CRIM1: variants seen among roughly 807,000 people sequenced by gnomAD.
CRIM1 encodes cysteine rich transmembrane BMP regulator 1, also known as cysteine-rich motor neuron 1 protein.
In CRIM1, 32 loss-of-function variants were observed where a neutral mutation model predicts 116.4. The observed-to-expected ratio is 0.27, with a 90% CI of 0.21 to 0.37. The LOEUF is 0.37. CRIM1 is among the 10% of genes least tolerant of loss of function. The probability of loss-of-function intolerance (pLI) is 1.00; values close to 1 mark genes in which losing one functional copy is unlikely to be tolerated. For synonymous variants in CRIM1, 590 were observed against 509.2 expected (o/e 1.16, Z -2.13); for missense variants, 1,331 against 1,354.8 (o/e 0.98, Z 0.28).
chr2:36,390,593 G>A (rs1671500902), intron 1 of CRIM1, among the ~76,000 whole-genome samples: 1 of 151,934 alleles, frequency 6.6e-6, no homozygotes, highest in Non-Finnish European at 1.5e-5. Flanking sequence ...TTGTTTGTTT[G>A]TTTTGTTTTG....
At chr2:36,502,031 T>A (rs72866857) in intron 8 of CRIM1, among the ~76,000 whole-genome samples, 196 of 152,360 alleles carry the variant, frequency 1.3e-3, no homozygotes, top group African/African-American at 4.5e-3. Context: ...TACATCTTTC[T>A]TAACATGGGA....
intron 4 of CRIM1, among the ~76,000 whole-genome samples, chr2:36,456,252 T>C (rs1677121851): frequency 6.6e-6 from 1 of 152,190 alleles, no homozygotes; most frequent in Non-Finnish European, 1.5e-5. Flanking sequence ...GCCAGAACCC[T>C]GTGTATCCCC....
At chr2:36,509,799 C>T (rs1325138363) in intron 8 of CRIM1, among the ~76,000 whole-genome samples, 184 bp from the exon 9 acceptor site, 2 of 152,128 alleles carry the variant, frequency 1.3e-5, no homozygotes, top group Non-Finnish European at 1.5e-5. Context: ...ATTACCAAAA[C>T]ATGGAGTCAT....
chr2:36,433,568 C>T (rs1455900962), intron 2 of CRIM1, among the ~76,000 whole-genome samples: 1 of 152,084 alleles, frequency 6.6e-6, no homozygotes, highest in Non-Finnish European at 1.5e-5. Flanking sequence ...TTCTCAGGCC[C>T]AATTGCACAA....
intron 8 of CRIM1, 22 bp from the exon 9 acceptor site, chr2:36,509,961 T>C (rs2125106210): frequency 1.9e-6 from 3 of 1,608,874 alleles, no homozygotes; most frequent in Middle Eastern, 1.7e-4. Flanking sequence ...GGAAGAAACA[T>C]GCCGTCTCTG....
chr2:36,380,461 T>C (rs536247680), intron 1 of CRIM1, among the ~76,000 whole-genome samples: 1 of 152,296 alleles, frequency 6.6e-6, no homozygotes, highest in East Asian at 1.9e-4. Context: ...ATGCACATCC[T>C]GGAGCTTAAT....
At chr2:36,485,194 A>G (rs1679726034) in intron 7 of CRIM1, among the ~76,000 whole-genome samples, 1 of 152,204 alleles carries the variant, frequency 6.6e-6, no homozygotes, top group South Asian at 2.1e-4. Context: ...TTCTGGGTTT[A>G]GGATGGAATG....
Position 36,390,818 on chromosome 2 carries a change from A to G in CRIM1, c.332-5796A>G, listed in dbSNP as rs75668926. The stretch of plus-strand genomic sequence containing the variant: ...TTGCTCCTGATACTTATTTTTATTT[A>G]TTTATTTTTTTGACAGAGTCTTGCT... On this transcript the variant is annotated intron_variant, in intron 1 of 16. Coordinates refer to ENST00000280527, the MANE Select transcript of CRIM1 (RefSeq NM_016441.3). Among the ~76,000 whole-genome samples the G allele has an allele frequency of 6.5e-3, 990 of 151,924 alleles. 11 individuals are homozygous for G. The highest frequency in any genetic ancestry group is 0.041 in the Middle Eastern group (12 of 294).
intron 8 of CRIM1, among the ~76,000 whole-genome samples, chr2:36,504,883 A>G (rs1279819897): frequency 1.3e-5 from 2 of 152,220 alleles, no homozygotes; most frequent in Non-Finnish European, 2.9e-5. Context: ...AGTGGATTTG[A>G]TCAGATTATT....
chr2:36,393,339 T>C (rs1572630989), intron 1 of CRIM1, among the ~76,000 whole-genome samples: 1 of 152,152 alleles, frequency 6.6e-6, no homozygotes, highest in African/African-American at 2.4e-5. Flanking sequence ...TTCTTTATAT[T>C]ATCTTGAAAC....
intron 7 of CRIM1, among the ~76,000 whole-genome samples, chr2:36,483,002 A>C (rs1021134516): frequency 6.6e-6 from 1 of 152,182 alleles, no homozygotes; most frequent in Admixed American, 6.5e-5. Flanking sequence ...AGCTAACTTG[A>C]TTCACAAGTA....
At chr2:36,448,754 A>G (rs2030644) in intron 4 of CRIM1, among the ~76,000 whole-genome samples, 1,701 of 152,312 alleles carry the variant, frequency 0.011, 52 homozygotes, top group East Asian at 0.092. Flanking sequence ...CGTTCTTAAA[A>G]GTTATTGAGA....
intron 1 of CRIM1, chr2:36,378,915 T>C (rs919325894): frequency 4.6e-5 from 7 of 151,816 alleles, no homozygotes; most frequent in Non-Finnish European, 1.5e-5. Flanking sequence ...AGTCCTGTTA[T>C]CAGCATTTTG....
intron 13 of CRIM1, among the ~76,000 whole-genome samples, chr2:36,536,929 A>G (rs756282606): frequency 4.6e-5 from 7 of 151,890 alleles, no homozygotes; most frequent in Non-Finnish European, 4.4e-5. Flanking sequence ...ACTCCCACTC[A>G]AGGGTTGCAG....
At chr2:36,430,601 C>T (rs1008770986) in intron 2 of CRIM1, among the ~76,000 whole-genome samples, 17 of 152,120 alleles carry the variant, frequency 1.1e-4, no homozygotes, top group African/African-American at 3.9e-4. Context: ...CATAGAAACG[C>T]GGGGCTCCAT....
intron 7 of CRIM1, among the ~76,000 whole-genome samples, chr2:36,489,073 A>T (rs1680043729): frequency 6.6e-6 from 1 of 152,194 alleles, no homozygotes; most frequent in Non-Finnish European, 1.5e-5. Context: ...AAAAGTATTC[A>T]TTCATGATAT....
intron 8 of CRIM1, among the ~76,000 whole-genome samples, chr2:36,506,007 C>G (rs1572888354): frequency 6.6e-6 from 1 of 151,958 alleles, no homozygotes; most frequent in Non-Finnish European, 1.5e-5. Flanking sequence ...TGTATTTATT[C>G]ACTCATTTAT....
At chr2:36,485,040 A>G (rs1370551555) in intron 7 of CRIM1, among the ~76,000 whole-genome samples, 1 of 152,218 alleles carries the variant, frequency 6.6e-6, no homozygotes, top group East Asian at 1.9e-4. Flanking sequence ...TTTTCTTCTT[A>G]ATAAAAAGTT....
At chr2:36,521,935 G>T (rs1380270499) in intron 12 of CRIM1, among the ~76,000 whole-genome samples, 157 bp from the exon 13 acceptor site, 4 of 152,124 alleles carry the variant, frequency 2.6e-5, no homozygotes, top group Admixed American at 2.6e-4. Flanking sequence ...AAAAATTTAA[G>T]ACCCTTCCCG....
Sources: allele counts gnomAD v4.1 joint callset (sites outside exome capture counted in the v4.1 genomes callset), GRCh38; gene constraint gnomAD v4.1.1; transcripts MANE v1.5; gene names NCBI Gene and HGNC (gene_info 2026-07-23, HGNC 2026-07-21).